The following NOC3L variants were observed in gnomAD, a reference collection of about 807,000 sequenced individuals.
The protein encoded by NOC3L is NOC3 like DNA replication regulator, also known as nucleolar complex protein 3 homolog.
In NOC3L, 85 loss-of-function variants were observed where a neutral mutation model predicts 102.5. The ratio of observed to expected loss-of-function variants is 0.83; its 90% CI spans 0.70 to 0.99. The LOEUF (loss-of-function observed/expected upper bound fraction) is 0.99. NOC3L is among the 50% of genes least tolerant of loss of function. The probability of loss-of-function intolerance (pLI) is 0.00; values close to 1 mark genes in which losing one functional copy is unlikely to be tolerated. For synonymous variants in NOC3L, 303 were observed against 309.4 expected (o/e 0.98, Z 0.22); for missense variants, 878 against 914.9 (o/e 0.96, Z 0.52).
At chr10:94,337,733 A>T (rs1252987018) in intron 19 of NOC3L, 44 bp downstream of exon 19, 2 of 1,302,082 alleles carry the variant, frequency 1.5e-6, no homozygotes, top group Non-Finnish European at 2.2e-6. Flanking sequence ...AGTGGCTATC[A>T]GCTCAATTCT....
chr10:94,322,716 C>G, the NOC3L span, among the ~76,000 whole-genome samples: 1 of 151,774 alleles, frequency 6.6e-6, no homozygotes, highest in Non-Finnish European at 1.5e-5. Flanking sequence ...ACCCGGGAGG[C>G]AGAGGTTGCA....
In NOC3L at chr10:94,352,970, G is replaced by C. The variant is rs1564915887; in HGVS notation, c.784C>G (p.Leu262Val). ...VTVRKLVIVS[L>V]MELFKDITPS... ...GTAATATCTTTAAATAACTCCATCA[G>C]AGAAACAATTACCAGCTTTCGAACA... Residue 262 changes from leucine to valine, a missense_variant, in exon 7 of 21, where the codon CTG (leucine) becomes GTG (valine). By Grantham distance (32) the Leu-to-Val change is conservative (BLOSUM62 1). Transcript: ENST00000371361. The C allele has an allele frequency of 6.2e-7, 1 of 1,613,692 alleles. No individual in the cohort carries two copies.
At chr10:94,323,051 A>G in the NOC3L span, among the ~76,000 whole-genome samples, 74 of 152,306 alleles carry the variant, frequency 4.9e-4, no homozygotes, top group African/African-American at 1.6e-3. Context: ...GGATCTCTAT[A>G]AAGCATTGAT....
intron 3 of NOC3L, 110 bp from the exon 4 acceptor site, chr10:94,357,441 T>A (rs2054502177): frequency 1.2e-6 from 1 of 832,562 alleles, no homozygotes; most frequent in Non-Finnish European, 1.7e-6. Context: ...TCAATAGGTA[T>A]ATGGATAGTA....
chr10:94,353,309 A>G (rs1188556387), intron 6 of NOC3L, among the ~76,000 whole-genome samples: 1 of 152,184 alleles, frequency 6.6e-6, no homozygotes, highest in African/African-American at 2.4e-5. Flanking sequence ...TAAAGAAAAG[A>G]GGTTTATTTT....
At chr10:94,327,865 C>T in the NOC3L span, 32 of 399,082 alleles carry the variant, frequency 8.0e-5, no homozygotes, top group South Asian at 6.2e-4. Flanking sequence ...CAAACCTAGC[C>T]ACTAGAGCTG....
chr10:94,348,474 C>A (rs1419975637), intron 10 of NOC3L, among the ~76,000 whole-genome samples: 9 of 151,698 alleles, frequency 5.9e-5, no homozygotes, highest in African/African-American at 2.2e-4. Context: ...TATTTTATTC[C>A]CAGGACCTAA....
At chr10:94,326,389 T>C in the NOC3L span, among the ~76,000 whole-genome samples, 1 of 152,224 alleles carries the variant, frequency 6.6e-6, no homozygotes, top group Non-Finnish European at 1.5e-5. Flanking sequence ...GAGCAACTCC[T>C]AAAATAACTG....
chr10:94,337,835 G>A lies in NOC3L; in HGVS notation c.2131C>T (p.Leu711=). 1.9e-6 allele frequency: 3 copies of A among 1,614,068 alleles called. No individual in the cohort carries two copies. Among genetic ancestry groups the A allele is most frequent in the Non-Finnish European group, 2.5e-6 (3 of 1,179,944 alleles). Residue 711 remains leucine, a synonymous_variant, in exon 19 of 21, where the codon CTG becomes TTG. Coordinates refer to ENST00000371361, the MANE Select transcript of NOC3L (RefSeq NM_022451.11). ...CCTTCAGAAGGTGCTCCAGCGATCA[G>A]GTGGGCTGCAAATCTCTGCACTATG... ...HPIVQRFAAH[L]IAGAPSEGSG...
rs2054262612 is a variant in NOC3L, at chr10:94,339,919, A to G, written c.1782T>C (p.Gly594=). Reference sequence around the variant, plus strand: ...CAATCTCAACACCTTCATTGGTAGCACCTAAAACAGCAGACATATTCTTCA... The same window carrying G: ...CAATCTCAACACCTTCATTGGTAGCGCCTAAAACAGCAGACATATTCTTCA... ...LYKTLFKLHA[G]ATNEGVEIVL... Residue 594 remains glycine, a splice_region_variant and synonymous_variant, in exon 17 of 21, where the codon GGT becomes GGC. Coordinates refer to ENST00000371361, the MANE Select transcript of NOC3L (RefSeq NM_022451.11). The G allele has an allele frequency of 3.1e-6, 5 of 1,612,218 alleles. No homozygotes were observed. Among genetic ancestry groups the G allele is most frequent in the Non-Finnish European group, 4.2e-6 (5 of 1,179,014 alleles).
At chr10:94,321,330 G>T in the NOC3L span, among the ~76,000 whole-genome samples, 1 of 152,154 alleles carries the variant, frequency 6.6e-6, no homozygotes, top group Non-Finnish European at 1.5e-5. Flanking sequence ...CAGTCAACTT[G>T]GACTCTCAAA....
intron 14 of NOC3L, among the ~76,000 whole-genome samples, chr10:94,340,753 G>A (rs866367674): frequency 1.2e-4 from 18 of 151,954 alleles, no homozygotes; most frequent in Admixed American, 5.2e-4. Context: ...AGGCCGAGGC[G>A]GGCAGATCAC....
intron 1 of NOC3L, 88 bp from the exon 2 acceptor site, chr10:94,361,960 C>A: frequency 1.0e-6 from 1 of 981,002 alleles, no homozygotes; most frequent in Non-Finnish European, 1.6e-6. Flanking sequence ...TTCATTAGAC[C>A]AATTCCACAA....
At chr10:94,329,776 C>CAAAAAAAAAAAAA (rs71031569), downstream of NOC3L, 19 of 37,950 alleles carry the variant, frequency 5.0e-4, 3 homozygotes, top group Admixed American at 1.6e-3. Flanking sequence ...GACTCCGTCT[C>CAAAAAAAAAAAAA]AAAAAAAAAA....
intron 10 of NOC3L, 117 bp downstream of exon 10, chr10:94,349,133 T>G: frequency 9.0e-7 from 1 of 1,115,700 alleles, no homozygotes; most frequent in Non-Finnish European, 1.3e-6. Flanking sequence ...GTTAAACACT[T>G]AAGGAGCTTG....
intron 10 of NOC3L, among the ~76,000 whole-genome samples, chr10:94,348,970 A>G (rs1452023635): frequency 6.6e-6 from 1 of 152,152 alleles, no homozygotes; most frequent in Admixed American, 6.5e-5. Flanking sequence ...ACAATATAGA[A>G]AATGAAAACT....
intron 9 of NOC3L, 56 bp from the exon 10 acceptor site, chr10:94,349,434 G>T: frequency 6.7e-7 from 1 of 1,484,972 alleles, no homozygotes; most frequent in Non-Finnish European, 9.0e-7. Flanking sequence ...CACTACTGAC[G>T]TTTTGGGTAA....
the NOC3L span, among the ~76,000 whole-genome samples, chr10:94,327,682 G>A: frequency 6.6e-6 from 1 of 152,118 alleles, no homozygotes; most frequent in Non-Finnish European, 1.5e-5. Context: ...TTAGCTGAAG[G>A]AATTCCACCT....
chr10:94,356,129 A>C (rs559933299), intron 5 of NOC3L, among the ~76,000 whole-genome samples: 2 of 152,350 alleles, frequency 1.3e-5, no homozygotes, highest in East Asian at 3.9e-4. Context: ...ACATTCAATT[A>C]TATGAAACAT....
Sources: gnomAD v4.1 joint callset for allele counts (sites outside exome capture counted in the v4.1 genomes callset) on GRCh38, gnomAD v4.1.1 for gene constraint, MANE v1.5 for transcripts, NCBI Gene and HGNC (gene_info 2026-07-23, HGNC 2026-07-21) for gene names.